SNTG1: variants seen among roughly 807,000 people sequenced by gnomAD.
The protein encoded by SNTG1 is gamma-1-syntrophin.
In SNTG1, 39 loss-of-function variants were observed where a neutral mutation model predicts 74.7. That is an observed-to-expected ratio of 0.52 (90% CI 0.40 to 0.68). The LOEUF is 0.68. Ranked by LOEUF, SNTG1 falls within the 30% of genes least tolerant of loss-of-function variation. The pLI is 0.00. For synonymous variants in SNTG1, 254 were observed against 217.1 expected, an observed-to-expected ratio of 1.17 and a Z score of -1.49; for missense variants, 685 against 609.5, an observed-to-expected ratio of 1.12 and a Z score of -1.30.
chr8:50,429,189 C>T (rs974937853), intron 4 of SNTG1, among the ~76,000 whole-genome samples: 5 of 151,726 alleles, frequency 3.3e-5, no homozygotes, highest in South Asian at 2.1e-4. Context: ...ATAGCTAAAA[C>T]AATCTTGAAA....
intron 8 of SNTG1, among the ~76,000 whole-genome samples, chr8:50,471,002 A>G (rs1489675009): frequency 6.6e-6 from 1 of 152,118 alleles, no homozygotes; most frequent in Non-Finnish European, 1.5e-5. Flanking sequence ...CTTTAGCTAG[A>G]CACAGAATGC....
chr8:50,586,533 G>C (rs2094649228), intron 12 of SNTG1, among the ~76,000 whole-genome samples: 1 of 152,042 alleles, frequency 6.6e-6, no homozygotes, highest in South Asian at 2.1e-4. Flanking sequence ...CATTGTCTCT[G>C]CATGGGATCT....
At chr8:49,964,862 G>A (rs1811003167) in intron 1 of SNTG1, among the ~76,000 whole-genome samples, 1 of 152,118 alleles carries the variant, frequency 6.6e-6, no homozygotes, top group South Asian at 2.1e-4. Context: ...TAATTTTGAA[G>A]TTTAGTGTAT....
At chr8:50,411,330 G>A (rs1174427395) in intron 4 of SNTG1, among the ~76,000 whole-genome samples, 2 of 151,550 alleles carry the variant, frequency 1.3e-5, no homozygotes, top group African/African-American at 4.8e-5. Flanking sequence ...CGCCTGTAGT[G>A]CCCGCTACTC....
intron 2 of SNTG1, among the ~76,000 whole-genome samples, chr8:50,246,027 G>T (rs2086383481): frequency 6.6e-6 from 1 of 151,460 alleles, no homozygotes; most frequent in African/African-American, 2.4e-5. Context: ...TATCTATTTT[G>T]TAATTAAAGA....
intron 4 of SNTG1, among the ~76,000 whole-genome samples, chr8:50,416,895 A>G (rs2093021268): frequency 6.6e-6 from 1 of 152,102 alleles, no homozygotes; most frequent in Non-Finnish European, 1.5e-5. Flanking sequence ...TGTTCTATCC[A>G]TAGCTTAACA....
intron 13 of SNTG1, among the ~76,000 whole-genome samples, chr8:50,645,046 C>T (rs533439164): frequency 2.6e-5 from 4 of 152,112 alleles, no homozygotes; most frequent in African/African-American, 9.6e-5. Context: ...CTGAGCCACC[C>T]TGCCATCCCT....
chr8:50,019,965 T>C (rs907622247), intron 1 of SNTG1, among the ~76,000 whole-genome samples: 2 of 152,116 alleles, frequency 1.3e-5, no homozygotes, highest in African/African-American at 4.8e-5. Context: ...TCCAAAGTTA[T>C]TAAGACACTA....
chr8:50,730,922 C>T (rs1409233392), intron 17 of SNTG1, among the ~76,000 whole-genome samples: 1 of 152,048 alleles, frequency 6.6e-6, no homozygotes, highest in Non-Finnish European at 1.5e-5. Flanking sequence ...ATCTACAAAG[C>T]GATTTTATGA....
chr8:50,016,647 C>T (rs1816344723), intron 1 of SNTG1, among the ~76,000 whole-genome samples: 1 of 152,064 alleles, frequency 6.6e-6, no homozygotes, highest in South Asian at 2.1e-4. Flanking sequence ...GATTTATAAC[C>T]CATTTTGAAC....
chr8:50,092,603 C>T (rs1027335944), intron 1 of SNTG1, among the ~76,000 whole-genome samples: 2 of 152,154 alleles, frequency 1.3e-5, no homozygotes, highest in African/African-American at 2.4e-5. Context: ...ACTTCCACCC[C>T]ATTTTCCCTC....
chr8:50,116,905 C>G lies in SNTG1; in HGVS notation c.-102-55656C>G, dbSNP rs117870240. Among the ~76,000 whole-genome samples the G allele has an allele frequency of 2.7e-4, 41 of 152,110 alleles. No homozygotes were observed. In the East Asian group the frequency reaches 7.8e-3, roughly 29 times the overall value. Reference sequence around the variant, plus strand: ...ATGACCTTCAGAACTGCAAAGGAGTCAAAAAACATCCTGGCATTTTAAGTT... The same window carrying G: ...ATGACCTTCAGAACTGCAAAGGAGTGAAAAAACATCCTGGCATTTTAAGTT... On this transcript the variant is annotated intron_variant, in intron 1 of 18. Coordinates refer to ENST00000642720, the MANE Select transcript of SNTG1 (RefSeq NM_018967.5).
intron 15 of SNTG1, among the ~76,000 whole-genome samples, chr8:50,689,089 A>ATTTTTT (rs199963937): frequency 7.2e-6 from 1 of 138,374 alleles, no homozygotes; most frequent in African/African-American, 2.7e-5. Flanking sequence ...AATGTTTGTG[A>ATTTTTT]ACATTGATTT....
At chr8:50,663,791 C>A (rs1399855628) in intron 15 of SNTG1, among the ~76,000 whole-genome samples, 1 of 152,110 alleles carries the variant, frequency 6.6e-6, no homozygotes, top group Non-Finnish European at 1.5e-5. Flanking sequence ...ATACACTTCC[C>A]ATTCTCACTT....
At chr8:50,375,845 G>T (rs2092366980) in intron 2 of SNTG1, among the ~76,000 whole-genome samples, 1 of 152,190 alleles carries the variant, frequency 6.6e-6, no homozygotes, top group Non-Finnish European at 1.5e-5. Flanking sequence ...GGAAGGAGTA[G>T]CTCTGCAAGG....
intron 15 of SNTG1, among the ~76,000 whole-genome samples, chr8:50,689,534 A>C (rs980729177): frequency 5.9e-5 from 9 of 152,108 alleles, no homozygotes; most frequent in African/African-American, 2.2e-4. Context: ...GGTTCTGTTT[A>C]TATGCTGGAT....
At chr8:50,409,768 C>T (rs565749145) in intron 4 of SNTG1, among the ~76,000 whole-genome samples, 18 of 152,176 alleles carry the variant, frequency 1.2e-4, no homozygotes, top group Non-Finnish European at 1.6e-4. Flanking sequence ...TAAATATTGA[C>T]GAAATATTTT....
At chr8:50,320,091 G>A (rs1232843460) in intron 2 of SNTG1, among the ~76,000 whole-genome samples, 2 of 152,152 alleles carry the variant, frequency 1.3e-5, no homozygotes, top group Non-Finnish European at 2.9e-5. Flanking sequence ...ATTGGTGTTA[G>A]TCGTTCTTTC....
intron 2 of SNTG1, among the ~76,000 whole-genome samples, chr8:50,369,324 C>T (rs570473494): frequency 5.9e-5 from 9 of 152,252 alleles, no homozygotes; most frequent in East Asian, 5.8e-4. Flanking sequence ...AGGCTGGGCA[C>T]GGTGGCTAAC....
Sources: allele counts gnomAD v4.1 joint callset (sites outside exome capture counted in the v4.1 genomes callset), GRCh38; gene constraint gnomAD v4.1.1; transcripts MANE v1.5; gene names NCBI Gene and HGNC (gene_info 2026-07-23, HGNC 2026-07-21).